POU6F2: variants seen among roughly 807,000 people sequenced by gnomAD.
POU6F2 encodes the protein POU domain, class 6, transcription factor 2.
In POU6F2, 31 loss-of-function variants were observed where a neutral mutation model predicts 71.3. That is an observed-to-expected ratio of 0.43 (90% CI 0.33 to 0.59). The LOEUF is 0.59. Ranked by LOEUF, POU6F2 falls within the 20% of genes least tolerant of loss-of-function variation. The pLI is 0.04. For synonymous variants in POU6F2, 347 were observed against 355.7 expected, an observed-to-expected ratio of 0.98 and a Z score of 0.27; for missense variants, 783 against 856.8, an observed-to-expected ratio of 0.91 and a Z score of 1.07.
chr7:39,081,052 T>C (rs1791109125), intron 1 of POU6F2, among the ~76,000 whole-genome samples: 2 of 152,220 alleles, frequency 1.3e-5, no homozygotes, highest in Admixed American at 1.3e-4. Flanking sequence ...CTGGGACATC[T>C]CTATTTAAAA....
intron 4 of POU6F2, among the ~76,000 whole-genome samples, chr7:39,247,197 G>A (rs1286061337): frequency 6.6e-6 from 1 of 152,082 alleles, no homozygotes; most frequent in African/African-American, 2.4e-5. Context: ...GGCCAAGCAT[G>A]GTGTATCATG....
chr7:39,210,474 T>A (rs1004903576), intron 4 of POU6F2, among the ~76,000 whole-genome samples: 10 of 152,178 alleles, frequency 6.6e-5, no homozygotes, highest in Non-Finnish European at 1.5e-4. Flanking sequence ...AGTTTTCAAA[T>A]ATTTTCCTTT....
chr7:39,254,596 C>T (rs1045563274), intron 4 of POU6F2, among the ~76,000 whole-genome samples: 4 of 152,290 alleles, frequency 2.6e-5, no homozygotes, highest in African/African-American at 7.2e-5. Context: ...CACAGCATCT[C>T]ATCCCTTGCC....
chr7:39,007,321 T>C (rs1038835777), intron 1 of POU6F2, among the ~76,000 whole-genome samples: 1 of 152,148 alleles, frequency 6.6e-6, no homozygotes, highest in Admixed American at 6.5e-5. Context: ...ATATCTGCAA[T>C]TAGGAGGCTT....
At chr7:39,102,682 A>T (rs1329213449) in intron 2 of POU6F2, among the ~76,000 whole-genome samples, 10 of 152,176 alleles carry the variant, frequency 6.6e-5, no homozygotes, top group Admixed American at 5.9e-4. Context: ...ACACACATAC[A>T]TACAGTGATG....
At chr7:39,142,650 T>G (rs1792527545) in intron 2 of POU6F2, among the ~76,000 whole-genome samples, 1 of 152,210 alleles carries the variant, frequency 6.6e-6, no homozygotes, top group Admixed American at 6.5e-5. Context: ...AATTGTAAAT[T>G]CTCTTGGCTT....
chr7:39,398,530 C>A (rs1787227645), intron 5 of POU6F2, among the ~76,000 whole-genome samples: 1 of 116,546 alleles, frequency 8.6e-6, no homozygotes, highest in South Asian at 3.0e-4. Flanking sequence ...GACATCATAT[C>A]ATTTGCTTAT....
chr7:39,183,529 A>G (rs1285093303), intron 2 of POU6F2, among the ~76,000 whole-genome samples: 1 of 152,108 alleles, frequency 6.6e-6, no homozygotes, highest in African/African-American at 2.4e-5. Context: ...AAGAATAGCA[A>G]GGGGGAAACC....
At chr7:39,134,159 A>G (rs1323823922) in intron 2 of POU6F2, among the ~76,000 whole-genome samples, 2 of 152,222 alleles carry the variant, frequency 1.3e-5, no homozygotes, top group African/African-American at 4.8e-5. Flanking sequence ...TACAGGCATG[A>G]GCCACCAAGC....
At position 39,281,611 on chromosome 7, in the gene POU6F2, G is replaced by A. The variant is rs896949682; in HGVS notation, c.599-58031G>A. On this transcript the variant is annotated intron_variant, in intron 4 of 9. Transcript: ENST00000518318. ...CATAATGTCTTCCAGATTCATCCAT[G>A]TTGCTGCAAATGACAGAATTTCATC... 2.0e-4 allele frequency among the ~76,000 whole-genome samples: 31 copies of A among 152,222 alleles called. No homozygotes were observed. In the Middle Eastern group the frequency reaches 0.01, roughly 50 times the overall value.
intron 2 of POU6F2, among the ~76,000 whole-genome samples, chr7:39,134,608 T>A (rs1792353422): frequency 6.6e-6 from 1 of 152,214 alleles, no homozygotes; most frequent in Non-Finnish European, 1.5e-5. Context: ...TAGCTCAAAG[T>A]CCAAATTCTT....
intron 5 of POU6F2, among the ~76,000 whole-genome samples, chr7:39,390,053 G>A (rs942807642): frequency 6.6e-6 from 1 of 152,106 alleles, no homozygotes; most frequent in African/African-American, 2.4e-5. Context: ...CATCAGGTAG[G>A]TAGTGATAGT....
chr7:39,007,216 G>T (rs940875), intron 1 of POU6F2, among the ~76,000 whole-genome samples: 1 of 152,022 alleles, frequency 6.6e-6, no homozygotes, highest in African/African-American at 2.4e-5. Context: ...AATTTTATTT[G>T]CTATTTTTAT....
chr7:39,052,747 C>G (rs1790422884), intron 1 of POU6F2, among the ~76,000 whole-genome samples: 1 of 152,168 alleles, frequency 6.6e-6, no homozygotes, highest in East Asian at 1.9e-4. Flanking sequence ...TGGTGCTCTT[C>G]TTCCTTGGGC....
intron 2 of POU6F2, among the ~76,000 whole-genome samples, chr7:39,173,343 A>G (rs1793262931): frequency 6.6e-6 from 1 of 152,230 alleles, no homozygotes; most frequent in African/African-American, 2.4e-5. Context: ...TGTGCTTATT[A>G]GCTAACCTCA....
intron 1 of POU6F2, among the ~76,000 whole-genome samples, chr7:39,081,280 A>G (rs1015522372): frequency 6.6e-6 from 1 of 152,232 alleles, no homozygotes; most frequent in African/African-American, 2.4e-5. Context: ...GCAGTAATTT[A>G]CAGATAATCG....
intron 4 of POU6F2, among the ~76,000 whole-genome samples, chr7:39,259,523 C>G (rs989443715): frequency 1.3e-5 from 2 of 152,124 alleles, no homozygotes; most frequent in Non-Finnish European, 2.9e-5. Context: ...GGACACCCAG[C>G]CCTGAGCTCC....
chr7:39,122,371 A>C (rs542220305), intron 2 of POU6F2, among the ~76,000 whole-genome samples: 3 of 152,354 alleles, frequency 2.0e-5, no homozygotes, highest in African/African-American at 7.2e-5. Context: ...ACTCTCTGTG[A>C]AACTTGGACA....
intron 4 of POU6F2, among the ~76,000 whole-genome samples, chr7:39,277,893 C>G (rs889843838): frequency 6.6e-6 from 1 of 152,040 alleles, no homozygotes; most frequent in African/African-American, 2.4e-5. Flanking sequence ...CCCCTCTCTA[C>G]TAAAAATACA....
Sources: gnomAD v4.1 joint callset for allele counts (sites outside exome capture counted in the v4.1 genomes callset) on GRCh38, gnomAD v4.1.1 for gene constraint, MANE v1.5 for transcripts, NCBI Gene and HGNC (gene_info 2026-07-23, HGNC 2026-07-21) for gene names.